Variants in MRPS6 observed in about 807,000 individuals in gnomAD.
The protein encoded by MRPS6 is small ribosomal subunit protein bS6m.
A neutral mutation model predicts 13.1 loss-of-function variants in MRPS6; 6 were observed. That is an observed-to-expected ratio of 0.46 (90% confidence interval 0.25 to 0.91). The LOEUF is 0.91. Ranked by LOEUF, MRPS6 falls within the 40% of genes least tolerant of loss-of-function variation. The pLI, the probability that MRPS6 is intolerant of heterozygous loss-of-function variation, is 0.18. For missense variants in MRPS6, 164 were observed against 155.6 expected, an observed-to-expected ratio of 1.05 and a Z score of -0.29; for synonymous variants, 61 against 56.5, an observed-to-expected ratio of 1.08 and a Z score of -0.36.
At chr21:34,100,057 G>A in intron 1 of MRPS6, 4 of 993,858 alleles carry the variant, frequency 4.0e-6, no homozygotes, top group Non-Finnish European at 4.9e-6. Context: ...GATGACATTG[G>A]TCTTTAGACA....
chr21:34,077,349 C>T (rs1225950652), intron 1 of MRPS6, among the ~76,000 whole-genome samples: 3 of 152,192 alleles, frequency 2.0e-5, no homozygotes, highest in African/African-American at 7.2e-5. Flanking sequence ...CTGTGCAATA[C>T]ATAAGTATTT....
chr21:34,108,175 A>C (rs895269282), intron 1 of MRPS6, among the ~76,000 whole-genome samples: 54 of 152,154 alleles, frequency 3.5e-4, no homozygotes, highest in African/African-American at 1.3e-3. Flanking sequence ...AGTGGACAGT[A>C]ATGTCTTAAG....
chr21:34,101,619 G>A (rs1239282347), intron 1 of MRPS6: 14 of 1,000,014 alleles, frequency 1.4e-5, no homozygotes, highest in Non-Finnish European at 1.7e-5. Context: ...TCAGCACTTA[G>A]CAAATTCAAA....
intron 1 of MRPS6, among the ~76,000 whole-genome samples, chr21:34,112,859 C>G (rs373075783): frequency 6.6e-6 from 1 of 152,146 alleles, no homozygotes; most frequent in East Asian, 1.9e-4. Context: ...CAGAGAAACA[C>G]AAAACCACTG....
At chr21:34,093,355 T>TAA (rs1367528601) in intron 1 of MRPS6, among the ~76,000 whole-genome samples, 1 of 152,158 alleles carries the variant, frequency 6.6e-6, no homozygotes, top group East Asian at 1.9e-4. Context: ...CTTAATGCTT[T>TAA]AAAAAGGCAC....
chr21:34,112,070 C>A (rs1196800738), intron 1 of MRPS6, among the ~76,000 whole-genome samples: 2 of 152,262 alleles, frequency 1.3e-5, no homozygotes, highest in African/African-American at 4.8e-5. Flanking sequence ...CATTATGCAT[C>A]TCTGTCTTTC....
chr21:34,127,409 T>G (rs1980346874), intron 2 of MRPS6, among the ~76,000 whole-genome samples: 1 of 152,226 alleles, frequency 6.6e-6, no homozygotes, highest in African/African-American at 2.4e-5. Flanking sequence ...CAATTAGATG[T>G]GGGAAGCCTT....
At chr21:34,099,769 A>C (rs1979150509) in intron 1 of MRPS6, 1 of 910,166 alleles carries the variant, frequency 1.1e-6, no homozygotes, top group South Asian at 5.1e-5. Context: ...GTCTGTAAAT[A>C]AGGAATGACT....
Position 34,096,770 on chromosome 21 carries a change from C to A in MRPS6, c.45+23025C>A, listed in dbSNP as rs745713093. On this transcript the variant is annotated intron_variant, in intron 1 of 2. Coordinates refer to ENST00000399312, the MANE Select transcript of MRPS6 (RefSeq NM_032476.4). The surrounding 1 kb of genome is among the most constrained non-coding windows in gnomAD (Gnocchi z 5.9). Reference sequence around the variant, plus strand: ...CAGGATTGTTTTGGGTCACGGGACTCATTACTGTAATTGTGAGCCTTCTCA... The same window carrying A: ...CAGGATTGTTTTGGGTCACGGGACTAATTACTGTAATTGTGAGCCTTCTCA... 6.2e-7 allele frequency: 1 copy of A among 1,613,890 alleles called. No individual in the cohort carries two copies. Among genetic ancestry groups the A allele is most frequent in the African/African-American group, 1.3e-5 (1 of 74,882 alleles).
At chr21:34,080,768 A>G (rs1423066659) in intron 1 of MRPS6, among the ~76,000 whole-genome samples, 1 of 152,338 alleles carries the variant, frequency 6.6e-6, no homozygotes, top group African/African-American at 2.4e-5. Context: ...TGCTTTGCAT[A>G]TATGGTAGAT....
chr21:34,093,046 G>A (rs933531145), intron 1 of MRPS6, among the ~76,000 whole-genome samples: 2 of 152,044 alleles, frequency 1.3e-5, no homozygotes, highest in Admixed American at 6.6e-5. Flanking sequence ...AACATTTAAC[G>A]ATACCTTTTT....
At chr21:34,081,370 A>G (rs1423945377) in intron 1 of MRPS6, among the ~76,000 whole-genome samples, 3 of 152,214 alleles carry the variant, frequency 2.0e-5, no homozygotes, top group Non-Finnish European at 2.9e-5. Flanking sequence ...TGAATAAAAT[A>G]CTTAATAAAA....
At chr21:34,085,837 C>T (rs1163679127) in intron 1 of MRPS6, among the ~76,000 whole-genome samples, 1 of 152,084 alleles carries the variant, frequency 6.6e-6, no homozygotes, top group Non-Finnish European at 1.5e-5. Flanking sequence ...GTCCTGACCT[C>T]GTGATTCACC....
chr21:34,103,066 T>C, intron 1 of MRPS6: 1 of 1,000,114 alleles, frequency 1.0e-6, no homozygotes, highest in Non-Finnish European at 1.2e-6. Flanking sequence ...GGAATGTTCA[T>C]TAGTAACTCA....
At chr21:34,090,164 C>G (rs961679373) in intron 1 of MRPS6, among the ~76,000 whole-genome samples, 1 of 152,206 alleles carries the variant, frequency 6.6e-6, no homozygotes, top group Non-Finnish European at 1.5e-5. Flanking sequence ...GCTCCACTTA[C>G]AATTTAAAAC....
intron 1 of MRPS6, among the ~76,000 whole-genome samples, chr21:34,078,625 C>G (rs1414226344): frequency 6.6e-6 from 1 of 152,050 alleles, no homozygotes; most frequent in Non-Finnish European, 1.5e-5. Flanking sequence ...ATTAAGAGTT[C>G]AAAAGCAATG....
chr21:34,089,526 G>A (rs1198919272), intron 1 of MRPS6, among the ~76,000 whole-genome samples: 1 of 152,086 alleles, frequency 6.6e-6, no homozygotes, highest in Admixed American at 6.5e-5. Context: ...GGTAGAATCA[G>A]GTTAAAATGA....
intron 1 of MRPS6, chr21:34,122,062 T>G (rs962303339): frequency 4.6e-5 from 7 of 152,332 alleles, no homozygotes; most frequent in Admixed American, 2.0e-4. Flanking sequence ...TGTGGTGCAT[T>G]TTAGGGTACA....
intron 1 of MRPS6, chr21:34,124,615 G>A (rs1241037788): frequency 6.6e-6 from 1 of 151,176 alleles, no homozygotes; most frequent in Non-Finnish European, 1.5e-5. Flanking sequence ...GGGCTCAGTT[G>A]CTGGTTCATT....
Sources: gnomAD v4.1 joint callset for allele counts (sites outside exome capture counted in the v4.1 genomes callset) on GRCh38, gnomAD v4.1.1 for gene constraint, Gnocchi (gnomAD v3.1) non-coding constraint, MANE v1.5 for transcripts, NCBI Gene and HGNC (gene_info 2026-07-23, HGNC 2026-07-21) for gene names.